The following SH3GL2 variants were observed in gnomAD, a reference collection of about 807,000 sequenced individuals.
SH3GL2 encodes the protein SH3 domain containing GRB2 like 2, endophilin A1, also known as endophilin-A1.
SH3GL2 carries 24 observed loss-of-function variants against 46.0 expected under a neutral mutation model. That is an observed-to-expected ratio of 0.52 (90% CI 0.38 to 0.73). SH3GL2 has a LOEUF of 0.73. Among genes scored for constraint, SH3GL2 ranks in the 30% least tolerant of loss-of-function variants. The pLI, the probability that SH3GL2 is intolerant of heterozygous loss-of-function variation, is 0.00. For missense variants in SH3GL2, 413 were observed against 424.2 expected, an observed-to-expected ratio of 0.97 and a Z score of 0.23; for synonymous variants, 196 against 147.1, an observed-to-expected ratio of 1.33 and a Z score of -2.40.
intron 4 of SH3GL2, 55 bp downstream of exon 4, chr9:17,786,579 T>C: frequency 1.3e-6 from 2 of 1,572,508 alleles, no homozygotes; most frequent in Non-Finnish European, 1.7e-6. Flanking sequence ...GGGATTTTGG[T>C]GCTGGTAAGA....
At chr9:17,589,447 C>G (rs887485204) in intron 1 of SH3GL2, 34 of 151,986 alleles carry the variant, frequency 2.2e-4, no homozygotes, top group African/African-American at 6.0e-4. Flanking sequence ...GGCTCCTGAT[C>G]AGTTTTTTTT....
rs1056009653 is a variant in SH3GL2 at position 17,615,532 on chromosome 9, G to C, written c.45+36245G>C. Among the ~76,000 whole-genome samples the C allele has an allele frequency of 1.3e-4, 20 of 151,984 alleles. No homozygotes were observed. In the East Asian group the frequency reaches 3.7e-3, roughly 28 times the overall value. On this transcript the variant is annotated intron_variant, in intron 1 of 8. Transcript: ENST00000380607. ...TAGCCAGGCGTGGCAGCGGGCGCCT[G>C]TAATCCCAGCTACTCGGGAAGCTGA...
intron 2 of SH3GL2, 100 bp from the exon 3 acceptor site, chr9:17,761,337 C>T: frequency 2.6e-6 from 2 of 763,770 alleles, no homozygotes; most frequent in Non-Finnish European, 4.7e-6. Context: ...TTGTCCGGGG[C>T]TCTGTTGCAT....
chr9:17,689,157 G>A (rs12002073), intron 1 of SH3GL2, among the ~76,000 whole-genome samples: 2,460 of 152,140 alleles, frequency 0.016, 83 homozygotes, highest in African/African-American at 0.056. Flanking sequence ...CCCACCTCTA[G>A]TCTCATCATG....
At chr9:17,763,609 C>A (rs1823239200) in intron 3 of SH3GL2, among the ~76,000 whole-genome samples, 1 of 152,184 alleles carries the variant, frequency 6.6e-6, no homozygotes. Context: ...TTGCCGACAC[C>A]TTGATTTCAG....
At chr9:17,691,741 C>G (rs1821084049) in intron 1 of SH3GL2, among the ~76,000 whole-genome samples, 1 of 152,104 alleles carries the variant, frequency 6.6e-6, no homozygotes, top group Non-Finnish European at 1.5e-5. Flanking sequence ...GTACTATTCA[C>G]TAACAATATA....
At chr9:17,725,305 A>G (rs1821993043) in intron 1 of SH3GL2, among the ~76,000 whole-genome samples, 2 of 152,062 alleles carry the variant, frequency 1.3e-5, no homozygotes, top group Non-Finnish European at 2.9e-5. Context: ...GCATGTGCTT[A>G]GCCTTCTTTG....
intron 1 of SH3GL2, among the ~76,000 whole-genome samples, chr9:17,732,000 G>A (rs1162297668): frequency 1.3e-5 from 2 of 152,264 alleles, no homozygotes; most frequent in African/African-American, 4.8e-5. Flanking sequence ...CAGAGGAGGA[G>A]ATACTGTGAT....
At chr9:17,699,595 C>T (rs1037971990) in intron 1 of SH3GL2, among the ~76,000 whole-genome samples, 4 of 152,218 alleles carry the variant, frequency 2.6e-5, no homozygotes, top group Non-Finnish European at 5.9e-5. Flanking sequence ...AGCCTTACTA[C>T]CATGTGGCAC....
chr9:17,767,876 T>G (rs954477595), intron 3 of SH3GL2, among the ~76,000 whole-genome samples: 1 of 152,218 alleles, frequency 6.6e-6, no homozygotes, highest in Non-Finnish European at 1.5e-5. Flanking sequence ...TGATGGGTGA[T>G]ATAATTCATA....
At chr9:17,746,114 G>T (rs910639878) in intron 1 of SH3GL2, among the ~76,000 whole-genome samples, 4 of 151,962 alleles carry the variant, frequency 2.6e-5, no homozygotes, top group Non-Finnish European at 5.9e-5. Context: ...TCTCGCTGTC[G>T]CCCAGGCTGG....
At chr9:17,618,937 A>G (rs1363202512) in intron 1 of SH3GL2, among the ~76,000 whole-genome samples, 1 of 152,152 alleles carries the variant, frequency 6.6e-6, no homozygotes, top group Non-Finnish European at 1.5e-5. Flanking sequence ...TTAAAAATTC[A>G]GCGCTTTTAG....
At chr9:17,782,042 T>C (rs1177476824) in intron 3 of SH3GL2, among the ~76,000 whole-genome samples, 1 of 152,160 alleles carries the variant, frequency 6.6e-6, no homozygotes, top group African/African-American at 2.4e-5. Context: ...ACTTGCACAT[T>C]ATAGGTGCTT....
intron 2 of SH3GL2, among the ~76,000 whole-genome samples, chr9:17,756,596 A>G (rs913606266): frequency 1.9e-4 from 28 of 151,054 alleles, no homozygotes; most frequent in Non-Finnish European, 3.8e-4. Context: ...TGTCCTTGCA[A>G]TAGTTTGCTG....
At chr9:17,764,425 G>C (rs184491173) in intron 3 of SH3GL2, among the ~76,000 whole-genome samples, 1 of 152,206 alleles carries the variant, frequency 6.6e-6, no homozygotes, top group African/African-American at 2.4e-5. Context: ...GCACAGGAGA[G>C]CACAAAGAAT....
At chr9:17,587,912 C>A (rs1327424667) in intron 1 of SH3GL2, among the ~76,000 whole-genome samples, 1 of 149,966 alleles carries the variant, frequency 6.7e-6, no homozygotes, top group South Asian at 2.1e-4. Context: ...AAAAAAAAAA[C>A]CAGAAAAACT....
intron 4 of SH3GL2, among the ~76,000 whole-genome samples, chr9:17,787,084 T>G (rs1051673433): frequency 2.0e-5 from 3 of 152,184 alleles, no homozygotes; most frequent in Non-Finnish European, 4.4e-5. Context: ...CTAATAGATT[T>G]GCCTTAAGCT....
chr9:17,727,704 C>A (rs72715447), intron 1 of SH3GL2, among the ~76,000 whole-genome samples: 12 of 152,194 alleles, frequency 7.9e-5, no homozygotes, highest in Admixed American at 7.9e-4. Flanking sequence ...TCCTCTTCAA[C>A]CAAGGAGCAG....
At chr9:17,782,700 C>T (rs1336862572) in intron 3 of SH3GL2, among the ~76,000 whole-genome samples, 1 of 152,066 alleles carries the variant, frequency 6.6e-6, no homozygotes, top group Non-Finnish European at 1.5e-5. Flanking sequence ...GGTCATGGTA[C>T]TTCTGAACAG....
Sources: gnomAD v4.1 joint callset for allele counts (sites outside exome capture counted in the v4.1 genomes callset) on GRCh38, gnomAD v4.1.1 for gene constraint, MANE v1.5 for transcripts, NCBI Gene and HGNC (gene_info 2026-07-23, HGNC 2026-07-21) for gene names.